CEP83: variants seen among roughly 807,000 people sequenced by gnomAD.
CEP83 encodes the protein centrosomal protein 83.
A neutral mutation model predicts 101.9 loss-of-function variants in CEP83; 70 were observed. The observed-to-expected ratio is 0.69, with a 90% CI of 0.57 to 0.84. CEP83 has a LOEUF of 0.84. Ranked by LOEUF, CEP83 falls within the 40% of genes least tolerant of loss-of-function variation. CEP83 has a pLI of 0.00. For synonymous variants in CEP83, 264 were observed against 267.9 expected (o/e 0.99, Z 0.14); for missense variants, 715 against 787.2 (o/e 0.91, Z 1.10).
intron 6 of CEP83, among the ~76,000 whole-genome samples, chr12:94,398,585 G>A (rs374006127): frequency 8.5e-5 from 13 of 152,198 alleles, no homozygotes; most frequent in African/African-American, 2.6e-4. Context: ...ATTGTAAAAC[G>A]TGTGTTTGAA....
chr12:94,412,614 T>C (rs1433503700), intron 2 of CEP83, 23 bp from the exon 3 acceptor site: 1 of 680,042 alleles, frequency 1.5e-6, no homozygotes, highest in Admixed American at 3.3e-5. Flanking sequence ...ATAAACATAA[T>C]TACATAATTT....
At chr12:94,379,757 G>A (rs3847819) in intron 6 of CEP83, among the ~76,000 whole-genome samples, 39,475 of 151,782 alleles carry the variant, frequency 0.26, 5,374 homozygotes, top group South Asian at 0.33. Flanking sequence ...CCTAACCTCT[G>A]AGGCATTTCA....
the CEP83 span, among the ~76,000 whole-genome samples, chr12:94,271,412 G>A: frequency 6.6e-6 from 1 of 152,220 alleles, no homozygotes; most frequent in African/African-American, 2.4e-5. Flanking sequence ...CCAGCCCCCT[G>A]CAGCCTTATC....
intron 1 of CEP83, among the ~76,000 whole-genome samples, chr12:94,437,299 C>A (rs538960273): frequency 1.3e-5 from 2 of 152,274 alleles, no homozygotes; most frequent in East Asian, 3.9e-4. Flanking sequence ...GAGCCAAGAT[C>A]GTGCCACTGC....
chr12:94,316,119 C>T (rs1970641272), intron 14 of CEP83, among the ~76,000 whole-genome samples: 1 of 152,048 alleles, frequency 6.6e-6, no homozygotes, highest in Non-Finnish European at 1.5e-5. Flanking sequence ...TTGAATCTTC[C>T]AAGTCATGAA....
intron 11 of CEP83, among the ~76,000 whole-genome samples, chr12:94,366,512 T>C (rs2061035803): frequency 6.6e-6 from 1 of 151,934 alleles, no homozygotes; most frequent in Non-Finnish European, 1.5e-5. Flanking sequence ...TGAATGCCAG[T>C]TTTCTCACTG....
intron 11 of CEP83, among the ~76,000 whole-genome samples, chr12:94,350,244 A>G (rs1444399559): frequency 1.3e-5 from 2 of 152,216 alleles, no homozygotes; most frequent in East Asian, 1.9e-4. Flanking sequence ...AATTTATTGC[A>G]AAGTTATAAT....
intron 6 of CEP83, among the ~76,000 whole-genome samples, chr12:94,393,528 G>A (rs543268209): frequency 6.6e-6 from 1 of 152,274 alleles, no homozygotes; most frequent in Admixed American, 6.5e-5. Context: ...CATACTGAAT[G>A]GGCAAAAACT....
At chr12:94,438,326 A>T (rs2066148976) in intron 1 of CEP83, among the ~76,000 whole-genome samples, 1 of 152,174 alleles carries the variant, frequency 6.6e-6, no homozygotes, top group Admixed American at 6.5e-5. Context: ...ACTCATATAA[A>T]CTTATAAGGT....
At chr12:94,385,530 A>AT (rs925290868) in intron 6 of CEP83, among the ~76,000 whole-genome samples, 5 of 152,124 alleles carry the variant, frequency 3.3e-5, no homozygotes, top group African/African-American at 1.2e-4. Context: ...TATTAGGATA[A>AT]TGCTGGCCTT....
intron 14 of CEP83, among the ~76,000 whole-genome samples, chr12:94,315,077 C>T (rs1054236768): frequency 2.0e-5 from 3 of 152,056 alleles, no homozygotes; most frequent in Admixed American, 1.3e-4. Context: ...ACATGTTTTT[C>T]GCAGATTAAG....
intron 1 of CEP83, among the ~76,000 whole-genome samples, chr12:94,456,454 A>G (rs1035704521): frequency 3.3e-5 from 5 of 152,200 alleles, no homozygotes; most frequent in South Asian, 2.1e-4. Context: ...CCATTTTCAT[A>G]TTGCTATAAA....
intron 12 of CEP83, among the ~76,000 whole-genome samples, chr12:94,334,410 T>C (rs1416455110): frequency 2.0e-5 from 3 of 152,186 alleles, no homozygotes; most frequent in Non-Finnish European, 4.4e-5. Context: ...TTCTAAATTA[T>C]ATCCAAATCT....
chr12:94,450,226 C>T (rs182402955), intron 1 of CEP83, among the ~76,000 whole-genome samples: 2 of 152,282 alleles, frequency 1.3e-5, no homozygotes, highest in African/African-American at 4.8e-5. Context: ...GAGACATGAT[C>T]ATCTATGTAC....
chr12:94,309,900 T>C lies in CEP83; in HGVS notation c.2001+18A>G. On this transcript the variant is annotated intron_variant, in intron 16 of 16. Coordinates refer to ENST00000397809, the MANE Select transcript of CEP83 (RefSeq NM_016122.3). Reference sequence around the variant, plus strand: ...AAATGTACGACTTTTTTTTTCCCCCTAAAATAAATGCTCATACCTGCATAT... The same window carrying C: ...AAATGTACGACTTTTTTTTTCCCCCCAAAATAAATGCTCATACCTGCATAT... 7.1e-7 allele frequency: 1 copy of C among 1,408,890 alleles called. No homozygotes were observed. The highest frequency in any genetic ancestry group is 1.8e-5 in the South Asian group (1 of 56,864). The allele number at this position is 1,408,890 out of a possible 1,614,324, so 87.3% of individuals were successfully genotyped here.
intron 1 of CEP83, among the ~76,000 whole-genome samples, chr12:94,439,915 A>G (rs2066275025): frequency 6.6e-6 from 1 of 152,210 alleles, no homozygotes; most frequent in Non-Finnish European, 1.5e-5. Context: ...GTAATACACC[A>G]TATAAACAGA....
At chr12:94,363,746 C>T (rs751368747) in intron 11 of CEP83, among the ~76,000 whole-genome samples, 4 of 151,832 alleles carry the variant, frequency 2.6e-5, no homozygotes, top group African/African-American at 7.3e-5. Flanking sequence ...GTCATGAGTT[C>T]GAGACCAGCC....
intron 4 of CEP83, among the ~76,000 whole-genome samples, chr12:94,405,583 C>G (rs2063488551): frequency 6.6e-6 from 1 of 152,084 alleles, no homozygotes; most frequent in African/African-American, 2.4e-5. Flanking sequence ...CACTTTCAGC[C>G]AAGATAGAAT....
chr12:94,378,308 A>G (rs1479385632), intron 7 of CEP83, among the ~76,000 whole-genome samples: 1 of 152,146 alleles, frequency 6.6e-6, no homozygotes. Context: ...AATTCTGTAA[A>G]GGCATGTATA....
Sources: allele counts gnomAD v4.1 joint callset (sites outside exome capture counted in the v4.1 genomes callset), GRCh38; gene constraint gnomAD v4.1.1; transcripts MANE v1.5; gene names NCBI Gene and HGNC (gene_info 2026-07-23, HGNC 2026-07-21).